SMIM20: variants seen among roughly 807,000 people sequenced by gnomAD.
SMIM20 encodes mitochondrial translation regulation assembly intermediate of cytochrome c oxidase protein of 7 kDa.
SMIM20 carries 3 observed loss-of-function variants against 8.7 expected under a neutral mutation model. The ratio of observed to expected loss-of-function variants is 0.34; its 90% CI spans 0.16 to 0.89. The LOEUF is 0.89. Among genes scored for constraint, SMIM20 ranks in the 40% least tolerant of loss-of-function variants. The pLI, the probability that SMIM20 is intolerant of heterozygous loss-of-function variation, is 0.49. For missense variants in SMIM20, 85 were observed against 84.8 expected (o/e 1.00, Z -0.01); for synonymous variants, 44 against 33.6 (o/e 1.31, Z -1.07).
chr4:25,917,186 AG>A lies in SMIM20; in HGVS notation c.109+2769del, dbSNP rs538463510. On this transcript the variant is annotated intron_variant, in intron 1 of 2. Transcript: ENST00000506197. ...ACCAAGACAGCATACTGCTTGTCTA[AG>A]GGGGCAAGAAAAGGCAATGGGGGAG... Among the ~76,000 whole-genome samples the A allele has an allele frequency of 5.1e-4, 77 of 152,052 alleles. No individual in the cohort carries two copies. The East Asian group carries it at 0.015, about 29-fold the overall frequency.
At chr4:25,921,574 G>C (rs1250524715) in intron 1 of SMIM20, among the ~76,000 whole-genome samples, 1 of 152,180 alleles carries the variant, frequency 6.6e-6, no homozygotes, top group East Asian at 1.9e-4. Context: ...AGCTTTTGAG[G>C]CTGAGGTAGC....
At chr4:25,917,468 G>C (rs1317474926) in intron 1 of SMIM20, among the ~76,000 whole-genome samples, 1 of 152,194 alleles carries the variant, frequency 6.6e-6, no homozygotes, top group Non-Finnish European at 1.5e-5. Context: ...AGGTGGATAG[G>C]CCTGGAGCTG....
intron 1 of SMIM20, among the ~76,000 whole-genome samples, chr4:25,926,228 G>A (rs970640237): frequency 2.0e-5 from 3 of 152,186 alleles, no homozygotes; most frequent in East Asian, 1.9e-4. Flanking sequence ...CTGCTAAATC[G>A]TGAGGGACTC....
At chr4:25,919,870 T>C (rs1285719451) in intron 1 of SMIM20, among the ~76,000 whole-genome samples, 13 of 152,210 alleles carry the variant, frequency 8.5e-5, no homozygotes, top group Non-Finnish European at 1.5e-5. Context: ...GCCTGGTGCC[T>C]GTGACTCAGC....
At chr4:25,917,371 A>G (rs964146273) in intron 1 of SMIM20, among the ~76,000 whole-genome samples, 1 of 152,200 alleles carries the variant, frequency 6.6e-6, no homozygotes, top group Non-Finnish European at 1.5e-5. Flanking sequence ...GGAAACACCT[A>G]CTATAGTCTT....
chr4:25,917,938 T>G (rs1719120771), intron 1 of SMIM20, among the ~76,000 whole-genome samples: 1 of 144,384 alleles, frequency 6.9e-6, no homozygotes. Flanking sequence ...GGTCAGTTTT[T>G]TTTTTTTGTT....
chr4:25,925,498 A>G lies in SMIM20; in HGVS notation c.110-2815A>G, dbSNP rs113389218. 3.9e-5 allele frequency among the ~76,000 whole-genome samples: 6 copies of G among 152,240 alleles called. 1 individual carries two copies. The highest frequency in any genetic ancestry group is 1.4e-4 in the African/African-American group (6 of 41,540). On this transcript the variant is annotated intron_variant, in intron 1 of 2. Transcript: ENST00000506197. ...GTGATCCACCCGCCTCGGCCTCCCAAAGTGCTAGGATTACAGGTGTGAGCC... is the reference window on the plus strand; with the variant it reads ...GTGATCCACCCGCCTCGGCCTCCCAGAGTGCTAGGATTACAGGTGTGAGCC...
rs1719167388 is a variant in SMIM20 at position 25,919,894 on chromosome 4, C to A, written c.109+5472C>A. On this transcript the variant is annotated intron_variant, in intron 1 of 2. Transcript: ENST00000506197. ...CTGTGACTCAGCAAATCAGTTAACA[C>A]CATCACTATTGTATATGGTCACTGA... is the stretch of plus-strand genomic sequence containing the variant. 2.0e-5 allele frequency among the ~76,000 whole-genome samples: 3 copies of A among 152,320 alleles called. No homozygotes were observed. In the South Asian group the frequency reaches 6.2e-4, roughly 32 times the overall value.
chr4:25,925,149 A>G (rs1448112606), intron 1 of SMIM20, among the ~76,000 whole-genome samples: 1 of 152,238 alleles, frequency 6.6e-6, no homozygotes, highest in Non-Finnish European at 1.5e-5. Context: ...GATAAGGGAT[A>G]TTCAACTTGT....
chr4:25,923,498 T>C (rs984357160), intron 1 of SMIM20, among the ~76,000 whole-genome samples: 3 of 152,308 alleles, frequency 2.0e-5, no homozygotes, highest in Non-Finnish European at 2.9e-5. Flanking sequence ...ACTCAGCACA[T>C]TAGTTGCTGG....
chr4:25,917,730 G>A (rs1458473345), intron 1 of SMIM20, among the ~76,000 whole-genome samples: 1 of 152,104 alleles, frequency 6.6e-6, no homozygotes, highest in African/African-American at 2.4e-5. Flanking sequence ...TGTCCACCTC[G>A]CTCCACCCAT....
At chr4:25,922,037 C>G (rs1719211401) in intron 1 of SMIM20, among the ~76,000 whole-genome samples, 1 of 152,152 alleles carries the variant, frequency 6.6e-6, no homozygotes, top group Non-Finnish European at 1.5e-5. Flanking sequence ...GTTAAACATG[C>G]TTTCAGTGGT....
intron 1 of SMIM20, among the ~76,000 whole-genome samples, chr4:25,925,461 T>G (rs1266888508): frequency 6.6e-6 from 1 of 152,130 alleles, no homozygotes; most frequent in African/African-American, 2.4e-5. Flanking sequence ...GGTCTTGAAC[T>G]CTTGACCTCA....
chr4:25,920,393 G>C lies in SMIM20; in HGVS notation c.109+5971G>C, dbSNP rs556613800. On this transcript the variant is annotated intron_variant, in intron 1 of 2. Transcript: ENST00000506197. ...AGTTTCTCACACAAAAGTTTAAAAAGGAAAAAATAATAATAATTTTAAAAT... is the reference window on the plus strand; with the variant it reads ...AGTTTCTCACACAAAAGTTTAAAAACGAAAAAATAATAATAATTTTAAAAT... 7.2e-4 allele frequency among the ~76,000 whole-genome samples: 109 copies of C among 151,618 alleles called. No homozygotes were observed. The Middle Eastern group carries it at 0.01, about 14-fold the overall frequency.
chr4:25,918,374 T>A (rs1719133520), intron 1 of SMIM20, among the ~76,000 whole-genome samples: 1 of 152,248 alleles, frequency 6.6e-6, no homozygotes, highest in South Asian at 2.1e-4. Flanking sequence ...GGATGTCCTG[T>A]GGCCATGTTA....
chr4:25,920,023 T>C (rs1719169675), intron 1 of SMIM20, among the ~76,000 whole-genome samples: 1 of 152,204 alleles, frequency 6.6e-6, no homozygotes, highest in Admixed American at 6.5e-5. Context: ...TACTACTTCT[T>C]TGGTAAGAAT....
chr4:25,917,921 TG>T (rs1719119593), intron 1 of SMIM20, among the ~76,000 whole-genome samples: 1 of 151,434 alleles, frequency 6.6e-6, no homozygotes, highest in Admixed American at 6.6e-5. Flanking sequence ...CTTTGGGGCC[TG>T]GTACAGGTCA....
In SMIM20 at chr4:25,914,227, G is replaced by C. The variant is rs750876366; in HGVS notation, c.-87G>C. 2.1e-5 allele frequency: 31 copies of C among 1,499,912 alleles called. No individual in the cohort carries two copies. The highest frequency in any genetic ancestry group is 2.6e-5 in the Non-Finnish European group (29 of 1,118,866). 92.9% of individuals were successfully genotyped at this position (1,499,912 alleles called of 1,614,324 possible). ...AAGCGAAAGCCTCTCCACCTCTTCC[G>C]AGCGGGGTCACGGCCCGGCCGTCGG... On this transcript the variant is annotated 5_prime_UTR_variant, in exon 1 of 3. Coordinates refer to ENST00000506197, the MANE Select transcript of SMIM20 (RefSeq NM_001145432.3).
At chr4:25,927,995 G>A (rs866696406) in intron 1 of SMIM20, among the ~76,000 whole-genome samples, 6 of 152,184 alleles carry the variant, frequency 3.9e-5, no homozygotes, top group African/African-American at 1.4e-4. Context: ...ACGCCCACCA[G>A]TTCTTTCAAA....
Sources: gnomAD v4.1 joint callset for allele counts (sites outside exome capture counted in the v4.1 genomes callset) on GRCh38, gnomAD v4.1.1 for gene constraint, MANE v1.5 for transcripts, NCBI Gene and HGNC (gene_info 2026-07-23, HGNC 2026-07-21) for gene names.